Variants in ANKRD36C observed in about 807,000 individuals in gnomAD.
ANKRD36C encodes ankyrin repeat domain-containing protein 36C.
Under a neutral mutation model 276.4 loss-of-function variants are expected in ANKRD36C, and 61 were observed. The ratio of observed to expected loss-of-function variants is 0.22; its 90% CI spans 0.18 to 0.27. ANKRD36C has a LOEUF of 0.27. Ranked by LOEUF, ANKRD36C falls within the 10% of genes least tolerant of loss-of-function variation. The probability of loss-of-function intolerance (pLI) is 1.00; values close to 1 mark genes in which losing one functional copy is unlikely to be tolerated. For synonymous variants in ANKRD36C, 483 were observed against 680.1 expected, an observed-to-expected ratio of 0.71 and a Z score of 4.51; for missense variants, 1,447 against 2,032.3, an observed-to-expected ratio of 0.71 and a Z score of 5.54.
intron 1 of ANKRD36C, among the ~76,000 whole-genome samples, chr2:95,990,341 A>G (rs1308949159): frequency 6.6e-6 from 1 of 152,196 alleles, no homozygotes; most frequent in Non-Finnish European, 1.5e-5. Context: ...AGTTTTCGCC[A>G]TTACTTGTAA....
At chr2:95,971,576 G>A (rs1678698577) in intron 6 of ANKRD36C, among the ~76,000 whole-genome samples, 1 of 151,866 alleles carries the variant, frequency 6.6e-6, no homozygotes, top group South Asian at 2.1e-4. Flanking sequence ...ATAGCAAGAT[G>A]TACTCAATTT....
intron 12 of ANKRD36C, among the ~76,000 whole-genome samples, chr2:95,957,588 C>T (rs1678359059): frequency 6.6e-6 from 1 of 152,258 alleles, no homozygotes; most frequent in South Asian, 2.1e-4. Context: ...ATATACAAAC[C>T]TAATAAAAAT....
chr2:95,909,585 T>A (rs1676850763), intron 42 of ANKRD36C, among the ~76,000 whole-genome samples: 1 of 104,768 alleles, frequency 9.5e-6, no homozygotes, highest in Non-Finnish European at 1.9e-5. Flanking sequence ...CTAAAGAAGT[T>A]TCATGAAATA....
chr2:95,861,732 C>T lies in ANKRD36C; in HGVS notation c.3683-1658G>A, dbSNP rs577319226. Among the ~76,000 whole-genome samples, 450 of 152,164 alleles carry T rather than the reference C, an allele frequency of 3.0e-3. 4 individuals are homozygous for T. The highest frequency in any genetic ancestry group is 0.011 in the African/African-American group (437 of 41,520). Reference sequence around the variant, plus strand: ...AGCAATCACACAGCTACCAGACAAACATAACTATATCAATAATCACATTAT... The same window carrying T: ...AGCAATCACACAGCTACCAGACAAATATAACTATATCAATAATCACATTAT... On this transcript the variant is annotated intron_variant, in intron 60 of 66. Transcript: ENST00000456556.
At chr2:95,915,706 C>A (rs1411515397) in intron 38 of ANKRD36C, among the ~76,000 whole-genome samples, 4 of 151,468 alleles carry the variant, frequency 2.6e-5, no homozygotes, top group African/African-American at 9.7e-5. Context: ...AGAATTAAAG[C>A]AAAATTATGC....
chr2:95,908,818 C>T, intron 42 of ANKRD36C, 121 bp from the exon 47 acceptor site: 1 of 1,495,880 alleles, frequency 6.7e-7, no homozygotes, highest in East Asian at 2.5e-5. Flanking sequence ...GCTTTGATGG[C>T]TTCTACTTTG....
intron 60 of ANKRD36C, among the ~76,000 whole-genome samples, chr2:95,862,322 A>G (rs1188594809): frequency 5.9e-4 from 90 of 152,270 alleles, no homozygotes; most frequent in African/African-American, 1.9e-3. Context: ...TTTAAGTCAT[A>G]CAAAGTATGT....
intron 6 of ANKRD36C, among the ~76,000 whole-genome samples, chr2:95,970,564 AAAC>A (rs1195241244): frequency 5.3e-5 from 8 of 152,104 alleles, no homozygotes; most frequent in South Asian, 2.1e-4. Flanking sequence ...CTAGTGGGAA[AAAC>A]AACAACAACA....
At chr2:95,893,031 C>T (rs908909595) in intron 44 of ANKRD36C, among the ~76,000 whole-genome samples, 6 of 150,852 alleles carry the variant, frequency 4.0e-5, no homozygotes, top group African/African-American at 9.7e-5. Context: ...GCGGAAACCC[C>T]AAAATTATAT....
intron 42 of ANKRD36C, 130 bp from the exon 45 acceptor site, chr2:95,910,698 T>G (rs1471005153): frequency 1.3e-6 from 2 of 1,518,258 alleles, no homozygotes; most frequent in African/African-American, 1.4e-5. Flanking sequence ...GCTTCTACTT[T>G]GTGTCTGGGG....
In ANKRD36C at chr2:95,986,747, A is replaced by G. The variant is rs2104544640; in HGVS notation, c.486+4T>C. 1 of 1,610,498 alleles carries G rather than the reference A, an allele frequency of 6.2e-7. No individual in the cohort carries two copies. The highest frequency in any genetic ancestry group is 2.3e-4 in the Middle Eastern group (1 of 4,430). ...GTTTGAAAATAACATTGGTTGACCTATACCTCGCTGCATTCTTCAATATTT... is the reference window on the plus strand; with the variant it reads ...GTTTGAAAATAACATTGGTTGACCTGTACCTCGCTGCATTCTTCAATATTT... On this transcript the variant is annotated splice_donor_region_variant and intron_variant, in intron 3 of 66. Coordinates refer to ENST00000456556, the Ensembl canonical transcript of ANKRD36C.
In ANKRD36C at chr2:95,911,119, A is replaced by T. The variant is rs552052058; in HGVS notation, c.2653+1125T>A. The stretch of plus-strand genomic sequence containing the variant: ...TCACTTTGGATACCTGTTTGCTGAT[A>T]CCTAGTAGATAATAATCATTATCTC... On this transcript the variant is annotated intron_variant, in intron 42 of 66. Coordinates refer to ENST00000456556, the Ensembl canonical transcript of ANKRD36C. Among the ~76,000 whole-genome samples, 26 of 151,624 alleles carry T rather than the reference A, an allele frequency of 1.7e-4. No individual in the cohort carries two copies. In the South Asian group the frequency reaches 5.4e-3, roughly 31 times the overall value.
chr2:95,948,716 G>C, intron 16 of ANKRD36C, 120 bp from the exon 17 acceptor site: 1 of 834,780 alleles, frequency 1.2e-6, no homozygotes, highest in East Asian at 2.8e-5. Flanking sequence ...GTCTGAGGAA[G>C]GTCAGTTATC....
At chr2:95,931,045 C>A (rs1450033928) in intron 24 of ANKRD36C, among the ~76,000 whole-genome samples, 1 of 151,632 alleles carries the variant, frequency 6.6e-6, no homozygotes, top group Non-Finnish European at 1.5e-5. Flanking sequence ...GACATACATT[C>A]TTTTTTGTTC....
chr2:95,910,732 T>A (rs1308967059), intron 42 of ANKRD36C, among the ~76,000 whole-genome samples, 164 bp from the exon 45 acceptor site: 1 of 151,384 alleles, frequency 6.6e-6, no homozygotes, highest in Admixed American at 6.6e-5. Flanking sequence ...AGAAGTACAC[T>A]GAGAAAAGGG....
chr2:95,976,214 A>G (rs1358475520), intron 6 of ANKRD36C, among the ~76,000 whole-genome samples: 10 of 152,348 alleles, frequency 6.6e-5, no homozygotes, highest in African/African-American at 2.4e-4. Flanking sequence ...TGTGGAAGTC[A>G]GTGTGGCGAT....
At chr2:95,988,642 A>G (rs1679079513) in intron 1 of ANKRD36C, among the ~76,000 whole-genome samples, 1 of 152,240 alleles carries the variant, frequency 6.6e-6, no homozygotes, top group Non-Finnish European at 1.5e-5. Context: ...AAATTAAAGC[A>G]GTGCTTTTGG....
exon 61 of ANKRD36C, chr2:95,860,022 T>A: frequency 6.5e-7 from 1 of 1,547,436 alleles, no homozygotes; most frequent in Non-Finnish European, 8.7e-7. Context: ...TAAGTTCTGT[T>A]AATCTTTTAC....
intron 42 of ANKRD36C, among the ~76,000 whole-genome samples, chr2:95,902,224 C>G (rs1441311159): frequency 6.7e-6 from 1 of 149,118 alleles, no homozygotes; most frequent in Non-Finnish European, 1.5e-5. Context: ...TCCTAGTAAC[C>G]AAGAGGAGTA....
Sources: gnomAD v4.1 joint callset for allele counts (sites outside exome capture counted in the v4.1 genomes callset) on GRCh38, gnomAD v4.1.1 for gene constraint, MANE v1.5 for transcripts, NCBI Gene and HGNC (gene_info 2026-07-23, HGNC 2026-07-21) for gene names.